PLCG2: variants seen among roughly 807,000 people sequenced by gnomAD.
PLCG2 encodes the protein 1-phosphatidylinositol 4,5-bisphosphate phosphodiesterase gamma-2.
Under a neutral mutation model 175.6 loss-of-function variants are expected in PLCG2, and 69 were observed. That is an observed-to-expected ratio of 0.39 (90% confidence interval 0.32 to 0.48). The LOEUF (loss-of-function observed/expected upper bound fraction) is 0.48. PLCG2 is among the 20% of genes least tolerant of loss of function. The pLI is 0.91. For missense variants in PLCG2, 1,798 were observed against 1,650.9 expected, an observed-to-expected ratio of 1.09 and a Z score of -1.54; for synonymous variants, 827 against 624.0, an observed-to-expected ratio of 1.33 and a Z score of -4.85.
intron 15 of PLCG2, 52 bp from the exon 16 acceptor site, chr16:81,907,633 A>G (rs1243726995): frequency 7.5e-7 from 1 of 1,328,090 alleles, no homozygotes; most frequent in Non-Finnish European, 1.1e-6. Context: ...TGGGCTCCAC[A>G]GTTGATGAGG....
chr16:81,859,407 G>A, intron 5 of PLCG2: 3 of 465,512 alleles, frequency 6.4e-6, no homozygotes, highest in Non-Finnish European at 1.2e-5. Context: ...TGGGGCATTT[G>A]GACCTCATCA....
At chr16:81,907,036 CAAA>C (rs56697259) in intron 15 of PLCG2, among the ~76,000 whole-genome samples, 112 of 96,712 alleles carry the variant, frequency 1.2e-3, no homozygotes, top group Admixed American at 5.2e-3. Context: ...GACTCTGTCT[CAAA>C]AAAAAAAAAA....
intron 31 of PLCG2, among the ~76,000 whole-genome samples, chr16:81,955,122 GC>G (rs1911517055): frequency 6.6e-6 from 1 of 152,204 alleles, no homozygotes; most frequent in Admixed American, 6.5e-5. Context: ...ACCAAGGACA[GC>G]CCATTTTACC....
At chr16:81,779,163 T>G (rs1329582500), upstream of PLCG2, 2 of 152,136 alleles carry the variant, frequency 1.3e-5, no homozygotes, top group African/African-American at 2.4e-5. Flanking sequence ...GCGGGGACGC[T>G]GCACTCGGGG....
intron 2 of PLCG2, among the ~76,000 whole-genome samples, chr16:81,773,415 G>A (rs553322726): frequency 5.2e-4 from 79 of 152,188 alleles, no homozygotes; most frequent in African/African-American, 1.8e-3. Flanking sequence ...GTCTTCAGCA[G>A]TGCAGATTGG....
intron 2 of PLCG2, among the ~76,000 whole-genome samples, chr16:81,827,161 T>A (rs550419867): frequency 6.6e-6 from 1 of 151,650 alleles, no homozygotes; most frequent in Non-Finnish European, 1.5e-5. Flanking sequence ...GGTGCATGGT[T>A]AATCTCATAC....
rs960195129 is a variant in PLCG2 at position 81,954,274 on chromosome 16, G to C, written c.3571-2421G>C. 2.0e-5 allele frequency among the ~76,000 whole-genome samples: 3 copies of C among 152,210 alleles called. No individual in the cohort carries two copies. In the East Asian group the frequency reaches 5.8e-4, roughly 29 times the overall value. On this transcript the variant is annotated intron_variant, in intron 31 of 32. Transcript: ENST00000564138. Reference sequence around the variant, plus strand: ...CTGGTCAAGCAATCCTCCCACCTCAGCCTCCCAAAGTGCTGGGGATTACAT... The same window carrying C: ...CTGGTCAAGCAATCCTCCCACCTCACCCTCCCAAAGTGCTGGGGATTACAT...
chr16:81,942,203 G>C (rs567972111), intron 30 of PLCG2, among the ~76,000 whole-genome samples: 44 of 152,304 alleles, frequency 2.9e-4, no homozygotes, highest in African/African-American at 1.0e-3. Flanking sequence ...AGGGCCTTGA[G>C]CCTCATAACC....
At chr16:81,826,793 G>T (rs1280091792) in intron 2 of PLCG2, among the ~76,000 whole-genome samples, 1 of 152,204 alleles carries the variant, frequency 6.6e-6, no homozygotes, top group Admixed American at 6.5e-5. Context: ...CACTTAGCTG[G>T]AACAGCTTTA....
chr16:81,823,191 G>A (rs1904880503), intron 2 of PLCG2, among the ~76,000 whole-genome samples: 1 of 152,240 alleles, frequency 6.6e-6, no homozygotes, highest in Non-Finnish European at 1.5e-5. Flanking sequence ...GATCTGGATG[G>A]ATTGTTTTCA....
chr16:81,841,296 G>A (rs567303381), intron 2 of PLCG2, among the ~76,000 whole-genome samples: 40 of 152,038 alleles, frequency 2.6e-4, no homozygotes, highest in Admixed American at 2.0e-3. Flanking sequence ...GAGTGCAGTG[G>A]CATGATCTTG....
At chr16:81,752,556 C>G (rs1012588408) in intron 1 of PLCG2, among the ~76,000 whole-genome samples, 1 of 152,198 alleles carries the variant, frequency 6.6e-6, no homozygotes, top group Admixed American at 6.5e-5. Context: ...GAGCAAGAGT[C>G]CACTTCAGCT....
At chr16:81,771,876 T>C (rs1228079241) in intron 2 of PLCG2, among the ~76,000 whole-genome samples, 1 of 152,124 alleles carries the variant, frequency 6.6e-6, no homozygotes, top group Non-Finnish European at 1.5e-5. Flanking sequence ...CTCCACCTCC[T>C]GGGCTCAAAT....
chr16:81,837,646 C>T (rs1379553645), intron 2 of PLCG2, among the ~76,000 whole-genome samples: 1 of 150,436 alleles, frequency 6.6e-6, no homozygotes, highest in Admixed American at 6.6e-5. Context: ...TTCCGTCTTC[C>T]TGATTATGAC....
chr16:81,748,013 T>C (rs543329405), intron 1 of PLCG2, among the ~76,000 whole-genome samples: 17 of 152,166 alleles, frequency 1.1e-4, no homozygotes, highest in Non-Finnish European at 2.2e-4. Context: ...TAGCTGGGAT[T>C]ACAGGCACCT....
intron 2 of PLCG2, among the ~76,000 whole-genome samples, chr16:81,757,480 C>G (rs1164615318): frequency 6.6e-6 from 1 of 152,102 alleles, no homozygotes; most frequent in Admixed American, 6.5e-5. Flanking sequence ...AAGAGAATCG[C>G]TTGAATCCAG....
intron 2 of PLCG2, among the ~76,000 whole-genome samples, chr16:81,794,339 A>T (rs577339176): frequency 6.6e-6 from 1 of 152,348 alleles, no homozygotes; most frequent in South Asian, 2.1e-4. Context: ...ATGTGAAATT[A>T]CTATTAATAA....
intron 31 of PLCG2, among the ~76,000 whole-genome samples, chr16:81,948,358 C>G (rs1911234660): frequency 6.6e-6 from 1 of 152,160 alleles, no homozygotes; most frequent in Non-Finnish European, 1.5e-5. Flanking sequence ...AAATAGTCAT[C>G]ATCTTCCATG....
At position 81,928,884 on chromosome 16, in the gene PLCG2, C is replaced by T. The variant is rs1283032996; in HGVS notation, c.2581+260C>T. The stretch of plus-strand genomic sequence containing the variant: ...GATGGTGGTTAGCGGATATTATTAC[C>T]AGCGTCACTCTTATTATTTCAGGAT... On this transcript the variant is annotated intron_variant, in intron 24 of 32. Transcript: ENST00000564138. The T allele has an allele frequency of 7.2e-6, 3 of 418,566 alleles. No individual in the cohort carries two copies. The East Asian group carries it at 9.7e-5, about 14-fold the overall frequency. 25.9% of individuals were successfully genotyped at this position (418,566 alleles called of 1,614,324 possible).
Sources: gnomAD v4.1 joint callset for allele counts (sites outside exome capture counted in the v4.1 genomes callset) on GRCh38, gnomAD v4.1.1 for gene constraint, MANE v1.5 for transcripts, NCBI Gene and HGNC (gene_info 2026-07-23, HGNC 2026-07-21) for gene names.